Variants in TRHDE observed in about 807,000 individuals in gnomAD.
The protein encoded by TRHDE is thyrotropin releasing hormone degrading enzyme, also known as thyrotropin-releasing hormone-degrading ectoenzyme.
TRHDE carries 72 observed loss-of-function variants against 125.7 expected under a neutral mutation model. That is an observed-to-expected ratio of 0.57 (90% CI 0.47 to 0.70). TRHDE has a LOEUF of 0.70. Among genes scored for constraint, TRHDE ranks in the 30% least tolerant of loss-of-function variants. The pLI is 0.00. For missense variants in TRHDE, 1,110 were observed against 1,327.1 expected, an observed-to-expected ratio of 0.84 and a Z score of 2.54; for synonymous variants, 509 against 509.1, an observed-to-expected ratio of 1.00 and a Z score of 0.00.
intron 5 of TRHDE, among the ~76,000 whole-genome samples, chr12:72,479,623 C>T (rs1370082567): frequency 1.4e-5 from 2 of 143,634 alleles, no homozygotes; most frequent in African/African-American, 2.6e-5. Context: ...AAAAATTATA[C>T]ATGTTTTTAA....
At chr12:72,659,077 A>G (rs1874815290) in intron 18 of TRHDE, among the ~76,000 whole-genome samples, 1 of 152,172 alleles carries the variant, frequency 6.6e-6, no homozygotes, top group Non-Finnish European at 1.5e-5. Context: ...CTTATTTCCA[A>G]GGGTTTATAG....
rs769859838 is a variant in TRHDE, at chr12:72,286,825, T to G, written c.1059T>G (p.Thr353=). Residue 353 remains threonine, a synonymous_variant, in exon 2 of 19, where the codon ACT becomes ACG. Transcript: ENST00000261180. The part of the protein sequence containing the change: ...YLSLSNMPVE[T]SVFEEDGWVT... ...CTTTATCTAATATGCCAGTGGAAAC[T>G]TCCGTGTTTGAGGAAGATGGATGGG... 6.2e-7 allele frequency: 1 copy of G among 1,613,932 alleles called. No homozygotes were observed. Among genetic ancestry groups the G allele is most frequent in the Non-Finnish European group, 8.5e-7 (1 of 1,179,980 alleles).
chr12:72,273,595 G>C lies in TRHDE; in HGVS notation c.914+38G>C. ...GCGGTGCCCCGCGCTGCCCCACCCC[G>C]GCGCGCGGCTCGAACCTCTGGGCGG... On this transcript the variant is annotated intron_variant, in intron 1 of 18. Transcript: ENST00000261180. The surrounding 1 kb of genome is among the most constrained non-coding windows in gnomAD (Gnocchi z 5.3). 4 of 1,540,018 alleles carry C rather than the reference G, an allele frequency of 2.6e-6. No individual in the cohort carries two copies. Among genetic ancestry groups the C allele is most frequent in the Non-Finnish European group, 3.5e-6 (4 of 1,143,376 alleles).
At chr12:72,375,073 G>T (rs1401831514) in intron 2 of TRHDE, among the ~76,000 whole-genome samples, 3 of 152,156 alleles carry the variant, frequency 2.0e-5, no homozygotes, top group Admixed American at 2.0e-4. Context: ...CTTTGAAAAG[G>T]CAAGAGGAGG....
rs372892649 is a variant in TRHDE at position 72,182,524 on chromosome 12, C to T, written n.279+76772C>T. On this transcript the variant is annotated intron_variant and non_coding_transcript_variant, in intron 2 of 4. Coordinates refer to the TRHDE transcript ENST00000548156. ...TTGGCTGGCTTCTTACCTCTTACCTCCGTAGTTGAAGTTTTCTTCTAGTAG... is the reference window on the plus strand; with the variant it reads ...TTGGCTGGCTTCTTACCTCTTACCTTCGTAGTTGAAGTTTTCTTCTAGTAG... Among the ~76,000 whole-genome samples, 20 of 152,280 alleles carry T rather than the reference C, an allele frequency of 1.3e-4. 1 individual carries two copies. In the East Asian group the frequency reaches 3.3e-3, roughly 25 times the overall value.
intron 2 of TRHDE, among the ~76,000 whole-genome samples, chr12:72,193,573 T>C (rs548755378): frequency 3.9e-5 from 6 of 152,270 alleles, no homozygotes; most frequent in African/African-American, 1.4e-4. Context: ...TTACCTATTT[T>C]CTACCAGACA....
At chr12:72,321,295 T>C (rs969671573) in intron 2 of TRHDE, among the ~76,000 whole-genome samples, 10 of 152,294 alleles carry the variant, frequency 6.6e-5, no homozygotes, top group African/African-American at 2.4e-4. Context: ...TGCCAGCTGA[T>C]GGCTTCTAGG....
intron 3 of TRHDE, among the ~76,000 whole-genome samples, chr12:72,386,469 A>G (rs748499894): frequency 3.9e-5 from 6 of 152,072 alleles, no homozygotes; most frequent in Non-Finnish European, 8.8e-5. Flanking sequence ...GCTCAAGGAC[A>G]TTGCTTCAGG....
At chr12:72,546,617 T>C (rs1368326784) in intron 7 of TRHDE, among the ~76,000 whole-genome samples, 1 of 151,592 alleles carries the variant, frequency 6.6e-6, no homozygotes, top group Non-Finnish European at 1.5e-5. Flanking sequence ...TCTGAGGGTC[T>C]ACAATCACTT....
At chr12:72,422,728 T>G (rs193111765) in intron 3 of TRHDE, among the ~76,000 whole-genome samples, 182 of 152,264 alleles carry the variant, frequency 1.2e-3, no homozygotes, top group Middle Eastern at 3.4e-3. Context: ...TTTGCTATGG[T>G]TTGAATGTGT....
chr12:72,546,332 GGTT>G (rs1869416553), intron 7 of TRHDE, among the ~76,000 whole-genome samples: 1 of 151,572 alleles, frequency 6.6e-6, no homozygotes, highest in African/African-American at 2.4e-5. Flanking sequence ...AAAGCACTAA[GGTT>G]GTTGTTTTGG....
chr12:72,649,733 GAA>G (rs1459616438), intron 15 of TRHDE, among the ~76,000 whole-genome samples: 1 of 152,022 alleles, frequency 6.6e-6, no homozygotes, highest in African/African-American at 2.4e-5. Context: ...GTAAGGATTT[GAA>G]AAGACTTTTC....
chr12:72,384,993 T>A (rs866921794), intron 3 of TRHDE, among the ~76,000 whole-genome samples: 32 of 152,236 alleles, frequency 2.1e-4, no homozygotes, highest in African/African-American at 7.7e-4. Flanking sequence ...TATGTAATAC[T>A]ATCTTGATCT....
intron 2 of TRHDE, among the ~76,000 whole-genome samples, chr12:72,193,536 C>G (rs956812362): frequency 3.3e-5 from 5 of 152,114 alleles, no homozygotes; most frequent in South Asian, 2.1e-4. Context: ...CAGCTATTTA[C>G]AGCATAACAT....
intron 15 of TRHDE, among the ~76,000 whole-genome samples, chr12:72,646,929 T>C (rs961943117): frequency 6.6e-6 from 1 of 151,746 alleles, no homozygotes; most frequent in African/African-American, 2.4e-5. Flanking sequence ...AGACAGAAGA[T>C]CAATAAGGAA....
intron 6 of TRHDE, among the ~76,000 whole-genome samples, chr12:72,526,997 G>C (rs1269382788): frequency 6.6e-6 from 1 of 152,024 alleles, no homozygotes; most frequent in African/African-American, 2.4e-5. Flanking sequence ...TCTATACTTG[G>C]GTTGTTTCTA....
At chr12:72,095,402 G>A (rs1465190370) in intron 1 of TRHDE, among the ~76,000 whole-genome samples, 1 of 152,204 alleles carries the variant, frequency 6.6e-6, no homozygotes, top group Non-Finnish European at 1.5e-5. Flanking sequence ...GGTGGTCCTA[G>A]ATGAGAAAGG....
chr12:72,553,807 C>T (rs1030157138), intron 7 of TRHDE, among the ~76,000 whole-genome samples: 5 of 148,904 alleles, frequency 3.4e-5, no homozygotes, highest in African/African-American at 7.4e-5. Flanking sequence ...CCTTTCCTTT[C>T]GTCTCCTCTC....
intron 5 of TRHDE, among the ~76,000 whole-genome samples, chr12:72,498,595 AG>A (rs1435117727): frequency 6.6e-6 from 1 of 152,190 alleles, no homozygotes; most frequent in Admixed American, 6.5e-5. Context: ...TGAAGGCAGG[AG>A]GCCAGGAAGA....
Sources: allele counts gnomAD v4.1 joint callset (sites outside exome capture counted in the v4.1 genomes callset), GRCh38; gene constraint gnomAD v4.1.1; non-coding constraint Gnocchi (gnomAD v3.1); transcripts MANE v1.5; gene names NCBI Gene and HGNC (gene_info 2026-07-23, HGNC 2026-07-21).